ANKRD30B: variants seen among roughly 807,000 people sequenced by gnomAD.
ANKRD30B encodes ankyrin repeat domain-containing protein 30B.
ANKRD30B carries 144 observed loss-of-function variants against 202.2 expected under a neutral mutation model. The observed-to-expected ratio is 0.71, with a 90% CI of 0.62 to 0.82. The LOEUF is 0.82. ANKRD30B is among the 40% of genes least tolerant of loss of function. The pLI, the probability that ANKRD30B is intolerant of heterozygous loss-of-function variation, is 0.00. For synonymous variants in ANKRD30B, 508 were observed against 561.3 expected (o/e 0.91, Z 1.34); for missense variants, 1,487 against 1,669.1 (o/e 0.89, Z 1.90).
intron 16 of ANKRD30B, among the ~76,000 whole-genome samples, chr18:14,792,698 C>A (rs1017600547): frequency 4.0e-5 from 6 of 149,360 alleles, no homozygotes; most frequent in Admixed American, 1.4e-4. Context: ...CTCAGTGACT[C>A]ATTAATTTTC....
At chr18:14,764,159 ATGGGAGT>A (rs1470949265) in intron 7 of ANKRD30B, 69 bp downstream of exon 7, 2 of 1,422,754 alleles carry the variant, frequency 1.4e-6, no homozygotes, top group African/African-American at 2.9e-5. Context: ...AAAGTGTGAT[ATGGGAGT>A]TGTTGGGAAT....
At chr18:14,876,381 G>A in the ANKRD30B span, among the ~76,000 whole-genome samples, 1 of 152,222 alleles carries the variant, frequency 6.6e-6, no homozygotes, top group African/African-American at 2.4e-5. Flanking sequence ...TTCTTCAAGT[G>A]TGTCCAAGAA....
chr18:14,824,981 G>T (rs1970602526), intron 32 of ANKRD30B, among the ~76,000 whole-genome samples: 1 of 152,154 alleles, frequency 6.6e-6, no homozygotes, highest in Admixed American at 6.5e-5. Flanking sequence ...TTTGCATTGT[G>T]TCCCTTAATT....
chr18:14,871,888 A>C, the ANKRD30B span, among the ~76,000 whole-genome samples: 3 of 152,220 alleles, frequency 2.0e-5, no homozygotes, highest in African/African-American at 7.2e-5. Context: ...GTATGTTGTT[A>C]ATACTAATGG....
chr18:14,890,606 C>T, the ANKRD30B span, among the ~76,000 whole-genome samples: 1 of 151,284 alleles, frequency 6.6e-6, no homozygotes, highest in African/African-American at 2.4e-5. Context: ...TGAACCCAGA[C>T]ATTCTGGCTC....
At chr18:14,848,319 C>T (rs1377374340) in intron 39 of ANKRD30B, among the ~76,000 whole-genome samples, 2 of 152,122 alleles carry the variant, frequency 1.3e-5, no homozygotes, top group Admixed American at 1.3e-4. Flanking sequence ...ACTAGAGCTT[C>T]AGCACATGCC....
chr18:14,890,234 C>T, the ANKRD30B span: 4 of 496,196 alleles, frequency 8.1e-6, no homozygotes, highest in African/African-American at 8.1e-5. Flanking sequence ...AAGACTCCGA[C>T]CCACAACACA....
At chr18:14,765,002 A>T (rs1047156414) in intron 7 of ANKRD30B, among the ~76,000 whole-genome samples, 1 of 152,244 alleles carries the variant, frequency 6.6e-6, no homozygotes, top group African/African-American at 2.4e-5. Context: ...CAGCAAAAAA[A>T]GAATAAATAA....
chr18:14,776,576 A>C (rs1208844795), intron 9 of ANKRD30B, among the ~76,000 whole-genome samples: 1 of 152,222 alleles, frequency 6.6e-6, no homozygotes, highest in Non-Finnish European at 1.5e-5. Context: ...AATGACTAGC[A>C]TGCAGAAAGT....
rs1208499877 is a variant in ANKRD30B at position 14,772,190 on chromosome 18, T to C, written c.1291T>C (p.Cys431Arg). 6.6e-7 allele frequency: 1 copy of C among 1,508,504 alleles called. No homozygotes were observed. Among genetic ancestry groups the C allele is most frequent in the African/African-American group, 1.4e-5 (1 of 72,252 alleles). 93.4% of individuals were successfully genotyped at this position (1,508,504 alleles called of 1,614,324 possible). The change falls in exon 9 of 44, where the codon TGT becomes CGT. Residue 431 changes from cysteine (C) to arginine (R), a missense_variant. By Grantham distance (180) the Cys-to-Arg change is radical. Around this residue, in one of 6 missense-constraint regions of ANKRD30B, gnomAD observed 889 missense variants for 841.4 expected, o/e 1.06. Coordinates refer to ENST00000690538, the MANE Select transcript of ANKRD30B (RefSeq NM_001367607.2). Reference sequence around the variant, plus strand: ...CACACGGACTATTGAAAATTCACAGTGTACAAAAGTTGAGGAAGACTTTAA... The same window carrying C: ...CACACGGACTATTGAAAATTCACAGCGTACAAAAGTTGAGGAAGACTTTAA... ...FGTRTIENSQ[C>R]TKVEEDFNLA...
the ANKRD30B span, among the ~76,000 whole-genome samples, chr18:14,860,617 TAAC>T: frequency 6.6e-6 from 1 of 150,544 alleles, no homozygotes; most frequent in Non-Finnish European, 1.5e-5. Flanking sequence ...TAAATTAGAT[TAAC>T]AACTGACTTA....
At chr18:14,861,384 T>C in the ANKRD30B span, among the ~76,000 whole-genome samples, 1 of 152,024 alleles carries the variant, frequency 6.6e-6, no homozygotes, top group South Asian at 2.1e-4. Flanking sequence ...ACCCATCTCA[T>C]GTGTAATGAT....
chr18:14,887,775 C>A, the ANKRD30B span, among the ~76,000 whole-genome samples: 1 of 151,534 alleles, frequency 6.6e-6, no homozygotes, highest in African/African-American at 2.4e-5. Flanking sequence ...CAATAAAATT[C>A]AAAAACAACT....
the ANKRD30B span, among the ~76,000 whole-genome samples, chr18:14,878,979 A>G: frequency 6.6e-6 from 1 of 152,172 alleles, no homozygotes; most frequent in Non-Finnish European, 1.5e-5. Context: ...GATATAGCAA[A>G]GGCAGAGCAG....
At chr18:14,772,709 GT>G (rs34769482) in intron 9 of ANKRD30B, among the ~76,000 whole-genome samples, 75,566 of 113,648 alleles carry the variant, frequency 0.66, 24,118 homozygotes, top group Admixed American at 0.77. Context: ...AGCATATAGG[GT>G]TTTTTTTTTT....
chr18:14,859,190 C>T (rs532887765), downstream of ANKRD30B, among the ~76,000 whole-genome samples: 55 of 86,120 alleles, frequency 6.4e-4, no homozygotes, highest in South Asian at 3.0e-3. Flanking sequence ...CTGGCAGAGG[C>T]GCTCCTCACC....
At chr18:14,798,202 G>T (rs1341024822) in intron 20 of ANKRD30B, among the ~76,000 whole-genome samples, 3 of 139,844 alleles carry the variant, frequency 2.1e-5, no homozygotes, top group African/African-American at 7.9e-5. Context: ...GTCCCGTGGT[G>T]CCAACAATTC....
At chr18:14,913,347 A>G in the ANKRD30B span, among the ~76,000 whole-genome samples, 22 of 152,328 alleles carry the variant, frequency 1.4e-4, no homozygotes, top group African/African-American at 5.1e-4. Context: ...GCCAGAGAAC[A>G]TGGACAAGCT....
At chr18:14,855,169 T>C (rs1183690265), downstream of ANKRD30B, among the ~76,000 whole-genome samples, 1 of 152,204 alleles carries the variant, frequency 6.6e-6, no homozygotes, top group Non-Finnish European at 1.5e-5. Context: ...CCGCCCTTAA[T>C]CCATTTAACC....
Sources: allele counts gnomAD v4.1 joint callset (sites outside exome capture counted in the v4.1 genomes callset), GRCh38; gene constraint gnomAD v4.1.1; regional missense constraint gnomAD v4.1.1; transcripts MANE v1.5; gene names NCBI Gene and HGNC (gene_info 2026-07-23, HGNC 2026-07-21).